The following ARB2A variants were observed in gnomAD, a reference collection of about 807,000 sequenced individuals.
ARB2A encodes the protein ARB2 cotranscriptional regulator A.
the ARB2A span, among the ~76,000 whole-genome samples, chr5:93,845,887 ATAGCTG>A: frequency 6.6e-6 from 1 of 152,200 alleles, no homozygotes; most frequent in Admixed American, 6.5e-5. Flanking sequence ...AGCTATAATT[ATAGCTG>A]TAGAGGAAAT....
At chr5:93,965,896 A>G in the ARB2A span, among the ~76,000 whole-genome samples, 1 of 152,094 alleles carries the variant, frequency 6.6e-6, no homozygotes, top group Admixed American at 6.6e-5. Context: ...TAGAAACAGT[A>G]TATTAGATGT....
chr5:93,903,541 T>A, the ARB2A span, among the ~76,000 whole-genome samples: 5 of 152,150 alleles, frequency 3.3e-5, no homozygotes, highest in South Asian at 1.0e-3. Flanking sequence ...CTGCCATGTA[T>A]TTTTCAGTAA....
the ARB2A span, among the ~76,000 whole-genome samples, chr5:93,673,617 A>G: frequency 1.8e-4 from 27 of 152,326 alleles, no homozygotes; most frequent in Non-Finnish European, 3.5e-4. Context: ...ATGCATCACC[A>G]TATGATTATT....
chr5:93,965,548 T>C, the ARB2A span, among the ~76,000 whole-genome samples: 1 of 151,916 alleles, frequency 6.6e-6, no homozygotes, highest in African/African-American at 2.4e-5. Context: ...CAAAAGAAAA[T>C]CAACATACTA....
the ARB2A span, among the ~76,000 whole-genome samples, chr5:93,750,731 T>C: frequency 6.6e-6 from 1 of 152,130 alleles, no homozygotes; most frequent in Non-Finnish European, 1.5e-5. Context: ...CTCACTATGT[T>C]GCCCACGCTG....
At chr5:93,780,276 C>T in the ARB2A span, among the ~76,000 whole-genome samples, 1 of 152,108 alleles carries the variant, frequency 6.6e-6, no homozygotes, top group Admixed American at 6.5e-5. Context: ...TATGTAGAGC[C>T]GCACATCTGG....
At chr5:93,805,102 A>G in the ARB2A span, 24 of 974,828 alleles carry the variant, frequency 2.5e-5, no homozygotes. Context: ...CCATGGTGTT[A>G]TTAGAAATTC....
the ARB2A span, among the ~76,000 whole-genome samples, chr5:93,852,619 A>C: frequency 3.9e-5 from 6 of 152,242 alleles, no homozygotes; most frequent in Admixed American, 6.5e-5. Flanking sequence ...TCCATCTTGA[A>C]TTAATTTTTG....
chr5:94,030,845 A>G, the ARB2A span, among the ~76,000 whole-genome samples: 4 of 152,224 alleles, frequency 2.6e-5, no homozygotes, highest in African/African-American at 9.7e-5. Context: ...ATGGCTTGAT[A>G]TAAAACGAGG....
chr5:93,740,592 G>A, the ARB2A span: 21 of 1,597,192 alleles, frequency 1.3e-5, 1 homozygote, highest in South Asian at 1.8e-4. Context: ...ATCTGAGGAG[G>A]CCCAGAGTGG....
At chr5:93,743,672 T>C in the ARB2A span, 1 of 558,602 alleles carries the variant, frequency 1.8e-6, no homozygotes, top group Admixed American at 6.4e-5. Context: ...TTTTCTTTTT[T>C]TTTTTTTTTT....
chr5:93,861,902 C>G, the ARB2A span: 2 of 152,124 alleles, frequency 1.3e-5, no homozygotes, highest in Non-Finnish European at 2.9e-5. Flanking sequence ...ATCCGTATCA[C>G]TGGATTTATA....
chr5:93,736,021 A>G, the ARB2A span: 1 of 152,130 alleles, frequency 6.6e-6, no homozygotes, highest in Non-Finnish European at 1.5e-5. Flanking sequence ...TTGAGCACTG[A>G]TGTAGCCCTA....
chr5:93,865,296 C>T, the ARB2A span: 82 of 543,328 alleles, frequency 1.5e-4, no homozygotes, highest in African/African-American at 6.2e-5. Context: ...TTAGCCAGAA[C>T]GGTCTCGATC....
At chr5:93,682,949 C>T in the ARB2A span, 1 of 1,582,246 alleles carries the variant, frequency 6.3e-7, no homozygotes, top group Non-Finnish European at 8.6e-7. Flanking sequence ...AAGAGAACCA[C>T]CTTTTTCTAT....
chr5:94,079,945 A>T, the ARB2A span, among the ~76,000 whole-genome samples: 1 of 152,302 alleles, frequency 6.6e-6, no homozygotes, highest in East Asian at 1.9e-4. Flanking sequence ...GCTAGCAAAA[A>T]GACAGAAACT....
chr5:93,965,825 A>T, the ARB2A span, among the ~76,000 whole-genome samples: 1 of 152,050 alleles, frequency 6.6e-6, no homozygotes, highest in Non-Finnish European at 1.5e-5. Flanking sequence ...TAGATTCTTT[A>T]TCCTGCTTTC....
At chr5:93,919,918 T>C in the ARB2A span, among the ~76,000 whole-genome samples, 4 of 152,270 alleles carry the variant, frequency 2.6e-5, no homozygotes, top group East Asian at 1.9e-4. Flanking sequence ...TTTTCACAAA[T>C]TGATTATGAG....
the ARB2A span, among the ~76,000 whole-genome samples, chr5:93,883,061 G>A: frequency 6.6e-6 from 1 of 151,452 alleles, no homozygotes; most frequent in Non-Finnish European, 1.5e-5. Flanking sequence ...ACTGCACATG[G>A]TTGGTTTTTT....
Sources: allele counts gnomAD v4.1 joint callset (sites outside exome capture counted in the v4.1 genomes callset), GRCh38; gene constraint gnomAD v4.1.1; transcripts MANE v1.5; gene names NCBI Gene and HGNC (gene_info 2026-07-23, HGNC 2026-07-21).